SH3BGR: variants seen among roughly 807,000 people sequenced by gnomAD.
SH3BGR encodes the protein SH3 domain binding glutamate rich protein.
SH3BGR carries 29 observed loss-of-function variants against 24.5 expected under a neutral mutation model. The ratio of observed to expected loss-of-function variants is 1.18; its 90% CI spans 0.88 to 1.61. SH3BGR has a LOEUF of 1.61. Among genes scored for constraint, SH3BGR ranks in the 40% most tolerant of loss-of-function variants. The pLI is 0.00. For missense variants in SH3BGR, 162 were observed against 205.8 expected (o/e 0.79, Z 1.30); for synonymous variants, 55 against 65.7 (o/e 0.84, Z 0.79).
At chr21:39,486,749 C>T (rs925784083) in intron 3 of SH3BGR, among the ~76,000 whole-genome samples, 1 of 152,156 alleles carries the variant, frequency 6.6e-6, no homozygotes, top group East Asian at 1.9e-4. Context: ...GAGATGGAGT[C>T]TCTGTCACCC....
chr21:39,498,360 G>A (rs1284752710), intron 3 of SH3BGR, among the ~76,000 whole-genome samples: 1 of 152,094 alleles, frequency 6.6e-6, no homozygotes, highest in African/African-American at 2.4e-5. Context: ...ATTTTAAAAG[G>A]CTGGGACCCA....
intron 3 of SH3BGR, among the ~76,000 whole-genome samples, chr21:39,483,591 G>C (rs1021332347): frequency 6.6e-6 from 1 of 152,192 alleles, no homozygotes; most frequent in Non-Finnish European, 1.5e-5. Flanking sequence ...TGCTGACCCT[G>C]AATTTGGGGG....
At chr21:39,495,975 G>A (rs1284748617) in intron 3 of SH3BGR, among the ~76,000 whole-genome samples, 1 of 152,060 alleles carries the variant, frequency 6.6e-6, no homozygotes, top group East Asian at 1.9e-4. Flanking sequence ...GTTAAGAATG[G>A]ATTAAAATAT....
intron 4 of SH3BGR, among the ~76,000 whole-genome samples, chr21:39,506,523 C>T (rs1460634404): frequency 6.6e-5 from 10 of 152,246 alleles, no homozygotes; most frequent in South Asian, 2.1e-4. Flanking sequence ...TTCCACATGG[C>T]GGGGGAGGCC....
chr21:39,455,126 C>T (rs918325380), intron 1 of SH3BGR, among the ~76,000 whole-genome samples: 6 of 152,164 alleles, frequency 3.9e-5, no homozygotes, highest in Admixed American at 6.5e-5. Flanking sequence ...AGACAATAAA[C>T]GAGAGGTGCC....
chr21:39,506,137 C>T (rs867587127), intron 4 of SH3BGR, among the ~76,000 whole-genome samples: 1 of 152,162 alleles, frequency 6.6e-6, no homozygotes, highest in Non-Finnish European at 1.5e-5. Flanking sequence ...CTGGAGGGGC[C>T]AGACAGTTCC....
chr21:39,512,116 C>T (rs1015946103), intron 6 of SH3BGR, among the ~76,000 whole-genome samples: 1 of 152,194 alleles, frequency 6.6e-6, no homozygotes, highest in African/African-American at 2.4e-5. Flanking sequence ...TCCTCCTCTT[C>T]CTCTATATAA....
intron 1 of SH3BGR, among the ~76,000 whole-genome samples, chr21:39,459,570 T>C (rs2077721196): frequency 2.0e-5 from 3 of 151,836 alleles, no homozygotes; most frequent in African/African-American, 7.3e-5. Context: ...TCTTGTTCTA[T>C]TGCCAAGGCA....
chr21:39,489,128 T>C lies in SH3BGR; in HGVS notation c.313-10695T>C, dbSNP rs1369053271. Reference sequence around the variant, plus strand: ...GAAAGGTACAAGTTTGCAAGTCAGATGCTAGAGACCTGATATGTGCACGAG... The same window carrying C: ...GAAAGGTACAAGTTTGCAAGTCAGACGCTAGAGACCTGATATGTGCACGAG... On this transcript the variant is annotated intron_variant, in intron 3 of 6. Coordinates refer to ENST00000333634, the MANE Select transcript of SH3BGR (RefSeq NM_007341.3). Among the ~76,000 whole-genome samples the C allele has an allele frequency of 3.3e-5, 5 of 152,220 alleles. No individual in the cohort carries two copies. The East Asian group carries it at 9.6e-4, about 29-fold the overall frequency.
intron 4 of SH3BGR, among the ~76,000 whole-genome samples, chr21:39,507,295 A>G (rs934410657): frequency 3.9e-5 from 6 of 152,064 alleles, no homozygotes; most frequent in Non-Finnish European, 7.4e-5. Flanking sequence ...GAGATGTGGG[A>G]GTGTGTTGGA....
intron 3 of SH3BGR, chr21:39,491,487 C>A (rs2078298629): frequency 1.1e-5 from 2 of 187,186 alleles, no homozygotes; most frequent in South Asian, 9.2e-5. Flanking sequence ...AATACAATTT[C>A]CATTTTATTT....
At chr21:39,458,519 G>A (rs1401730742) in intron 1 of SH3BGR, among the ~76,000 whole-genome samples, 4 of 151,880 alleles carry the variant, frequency 2.6e-5, no homozygotes, top group Middle Eastern at 6.4e-3. Flanking sequence ...TGTATTTTTA[G>A]TAGAGACAAG....
At chr21:39,514,723 A>C (rs1028992368) in intron 6 of SH3BGR, among the ~76,000 whole-genome samples, 1 of 151,984 alleles carries the variant, frequency 6.6e-6, no homozygotes, top group African/African-American at 2.4e-5. Flanking sequence ...ACTGGATTCT[A>C]CCTCCCCAAA....
At chr21:39,451,523 C>G (rs1355238570), upstream of SH3BGR, among the ~76,000 whole-genome samples, 7 of 152,006 alleles carry the variant, frequency 4.6e-5, no homozygotes, top group Non-Finnish European at 1.0e-4. Flanking sequence ...TTTAACCTGC[C>G]AGGAAAAAAA....
intron 5 of SH3BGR, among the ~76,000 whole-genome samples, chr21:39,509,501 G>A (rs1056276826): frequency 7.0e-6 from 1 of 142,244 alleles, no homozygotes; most frequent in African/African-American, 2.6e-5. Flanking sequence ...TTGAGACAGG[G>A]TCTCACTCTC....
At chr21:39,509,119 T>C (rs756910702) in intron 5 of SH3BGR, 92 bp downstream of exon 5, 21 of 1,032,098 alleles carry the variant, frequency 2.0e-5, no homozygotes, top group Non-Finnish European at 3.0e-5. Flanking sequence ...ACGTTCTTAA[T>C]AACATAAGAG....
chr21:39,450,567 T>C (rs2077562121), upstream of SH3BGR, among the ~76,000 whole-genome samples: 2 of 152,044 alleles, frequency 1.3e-5, no homozygotes, highest in African/African-American at 4.8e-5. Flanking sequence ...ACCCAATCCA[T>C]GATGGGCAGC....
At chr21:39,452,356 C>T (rs950073078) in intron 1 of SH3BGR, among the ~76,000 whole-genome samples, 1 of 152,076 alleles carries the variant, frequency 6.6e-6, no homozygotes, top group Admixed American at 6.6e-5. Context: ...AAAAGGGATT[C>T]GAGTAAGGAG....
At chr21:39,452,909 G>GTGTC (rs1308679291) in intron 1 of SH3BGR, among the ~76,000 whole-genome samples, 2 of 152,208 alleles carry the variant, frequency 1.3e-5, no homozygotes, top group African/African-American at 4.8e-5. Context: ...AACCTATATA[G>GTGTC]TGTCTGTCTG....
Sources: allele counts gnomAD v4.1 joint callset (sites outside exome capture counted in the v4.1 genomes callset), GRCh38; gene constraint gnomAD v4.1.1; transcripts MANE v1.5; gene names NCBI Gene and HGNC (gene_info 2026-07-23, HGNC 2026-07-21).